KCNMA1: variants seen among roughly 807,000 people sequenced by gnomAD.
KCNMA1 encodes Calcium-activated potassium channel subunit alpha-1.
KCNMA1 carries 29 observed loss-of-function variants against 140.0 expected under a neutral mutation model. The observed-to-expected ratio is 0.21, with a 90% CI of 0.15 to 0.28. The LOEUF is 0.28. Ranked by LOEUF, KCNMA1 falls within the 10% of genes least tolerant of loss-of-function variation. KCNMA1 has a pLI of 1.00. For synonymous variants in KCNMA1, 612 were observed against 611.9 expected (o/e 1.00, Z 0.00); for missense variants, 880 against 1,602.2 (o/e 0.55, Z 7.70).
rs56869782 is a variant in KCNMA1, at chr10:77,021,660, G to C, written c.1929-2561C>G. Reference sequence around the variant, plus strand: ...CTTAAATCTATGGCTGATTGTGTAAGGAATCGAAAGCATCTCTAATTACCT... The same window carrying C: ...CTTAAATCTATGGCTGATTGTGTAACGAATCGAAAGCATCTCTAATTACCT... On this transcript the variant is annotated intron_variant, in intron 16 of 27. Coordinates refer to ENST00000286628, the MANE Select transcript of KCNMA1 (RefSeq NM_001161352.2). Among the ~76,000 whole-genome samples the C allele has an allele frequency of 5.0e-3, 754 of 152,316 alleles. 9 individuals carry two copies. Among genetic ancestry groups the C allele is most frequent in the African/African-American group, 0.018 (731 of 41,566 alleles).
At chr10:77,292,599 TCTC>T (rs1196653323) in intron 2 of KCNMA1, among the ~76,000 whole-genome samples, 1 of 152,056 alleles carries the variant, frequency 6.6e-6, no homozygotes, top group Non-Finnish European at 1.5e-5. Flanking sequence ...CATGATTAGG[TCTC>T]CTCCATGATA....
At chr10:77,517,444 A>G (rs1023491626) in intron 1 of KCNMA1, among the ~76,000 whole-genome samples, 3 of 152,216 alleles carry the variant, frequency 2.0e-5, no homozygotes, top group Non-Finnish European at 1.5e-5. Context: ...GATTTGAGGC[A>G]CCAGTGCAGT....
chr10:77,120,162 A>G (rs2097564656), intron 6 of KCNMA1, among the ~76,000 whole-genome samples: 1 of 152,228 alleles, frequency 6.6e-6, no homozygotes, highest in South Asian at 2.1e-4. Flanking sequence ...AGCTTCTTAG[A>G]GTGTAATTTC....
chr10:77,382,599 T>G (rs910008292), intron 2 of KCNMA1, among the ~76,000 whole-genome samples: 3 of 152,058 alleles, frequency 2.0e-5, no homozygotes, highest in African/African-American at 7.2e-5. Context: ...GCATGGTGGC[T>G]CATACCTGTA....
Position 77,026,821 on chromosome 10 carries a change from A to C in KCNMA1, c.1928+1002T>G, listed in dbSNP as rs142794917. Among the ~76,000 whole-genome samples the C allele has an allele frequency of 1.4e-4, 22 of 152,326 alleles. No individual in the cohort carries two copies. The East Asian group carries it at 4.3e-3, about 29-fold the overall frequency. On this transcript the variant is annotated intron_variant, in intron 16 of 27. Transcript: ENST00000286628. ...GTCTTGTCATAGACACAGACTATACACTTGAAAGTCTGGCTGTATTGGGTT... is the reference window on the plus strand; with the variant it reads ...GTCTTGTCATAGACACAGACTATACCCTTGAAAGTCTGGCTGTATTGGGTT...
chr10:77,053,905 A>G (rs1312906413), intron 14 of KCNMA1, among the ~76,000 whole-genome samples: 1 of 152,078 alleles, frequency 6.6e-6, no homozygotes, highest in Non-Finnish European at 1.5e-5. Context: ...GAGCTAAGAG[A>G]GGTTCAGTAG....
At chr10:77,534,874 C>T (rs2058508329) in intron 1 of KCNMA1, among the ~76,000 whole-genome samples, 1 of 152,188 alleles carries the variant, frequency 6.6e-6, no homozygotes, top group Non-Finnish European at 1.5e-5. Context: ...CCATTTACAG[C>T]TATAACCTAC....
chr10:76,877,910 A>G (rs767903449), intron 29 of KCNMA1: 13 of 1,603,996 alleles, frequency 8.1e-6, no homozygotes, highest in Non-Finnish European at 1.1e-5. Context: ...GGCAAAATGG[A>G]TAGAGAACAA....
intron 1 of KCNMA1, among the ~76,000 whole-genome samples, chr10:77,473,570 C>A (rs1430058153): frequency 6.6e-6 from 1 of 152,086 alleles, no homozygotes; most frequent in Non-Finnish European, 1.5e-5. Flanking sequence ...ATAGGAGGGG[C>A]CTCCGTGGAT....
intron 14 of KCNMA1, among the ~76,000 whole-genome samples, chr10:77,046,497 T>TG (rs553522710): frequency 6.6e-6 from 1 of 152,124 alleles, no homozygotes; most frequent in African/African-American, 2.4e-5. Flanking sequence ...CTAAAATGGA[T>TG]GGGGGGTCAT....
chr10:77,393,033 G>A (rs953476194), intron 2 of KCNMA1, among the ~76,000 whole-genome samples: 3 of 152,202 alleles, frequency 2.0e-5, no homozygotes, highest in Non-Finnish European at 2.9e-5. Context: ...GCCAGCTCAG[G>A]GAGGCTATAT....
In KCNMA1 at chr10:76,885,637, G is replaced by C; in HGVS notation, c.*1629C>G. 1 of 985,182 alleles carries C rather than the reference G, an allele frequency of 1.0e-6. No homozygotes were observed. The highest frequency in any genetic ancestry group is 1.2e-6 in the Non-Finnish European group (1 of 829,836). The allele number at this position is 985,182 out of a possible 1,614,324, so 61.0% of individuals were successfully genotyped here. On this transcript the variant is annotated 3_prime_UTR_variant, in exon 28 of 28. Coordinates refer to ENST00000286628, the MANE Select transcript of KCNMA1 (RefSeq NM_001161352.2). The stretch of plus-strand genomic sequence containing the variant: ...CCTTTTACCCCTATTCTATTCGATG[G>C]AATTCTTTGAAGTAAAACTTTTCAA...
At chr10:76,906,984 G>T (rs2048069903) in intron 25 of KCNMA1, among the ~76,000 whole-genome samples, 1 of 152,170 alleles carries the variant, frequency 6.6e-6, no homozygotes, top group Non-Finnish European at 1.5e-5. Context: ...TACCATCAAT[G>T]ACTTACTTAA....
chr10:76,962,953 T>A (rs187814004), intron 20 of KCNMA1, among the ~76,000 whole-genome samples: 40 of 152,348 alleles, frequency 2.6e-4, no homozygotes, highest in Admixed American at 2.4e-3. Flanking sequence ...GCATCATTTT[T>A]CATTTACAGG....
At chr10:77,575,212 T>C (rs1301225843) in intron 1 of KCNMA1, among the ~76,000 whole-genome samples, 2 of 152,292 alleles carry the variant, frequency 1.3e-5, no homozygotes, top group East Asian at 3.9e-4. Flanking sequence ...GCTAGGACAG[T>C]GCTGACAGCA....
intron 1 of KCNMA1, among the ~76,000 whole-genome samples, chr10:77,556,097 C>T (rs945632217): frequency 2.0e-5 from 3 of 152,176 alleles, no homozygotes; most frequent in Non-Finnish European, 4.4e-5. Context: ...GGTCAGTTCC[C>T]CTTTCTGCCA....
chr10:77,258,738 G>T (rs1365497813), intron 2 of KCNMA1, among the ~76,000 whole-genome samples: 3 of 152,104 alleles, frequency 2.0e-5, no homozygotes, highest in African/African-American at 7.2e-5. Flanking sequence ...TGAGGCGGGT[G>T]GATTACTTGA....
intron 3 of KCNMA1, among the ~76,000 whole-genome samples, chr10:77,191,648 G>T (rs1006078510): frequency 1.3e-5 from 2 of 152,066 alleles, no homozygotes; most frequent in Admixed American, 6.6e-5. Context: ...CTAAGATGTG[G>T]TCACCTTTGA....
intron 3 of KCNMA1, among the ~76,000 whole-genome samples, chr10:77,197,720 G>T (rs1208490255): frequency 6.6e-6 from 1 of 152,162 alleles, no homozygotes; most frequent in Non-Finnish European, 1.5e-5. Context: ...TAACCTGGAG[G>T]CGACAACCGA....
Sources: gnomAD v4.1 joint callset for allele counts (sites outside exome capture counted in the v4.1 genomes callset) on GRCh38, gnomAD v4.1.1 for gene constraint, MANE v1.5 for transcripts, NCBI Gene and HGNC (gene_info 2026-07-23, HGNC 2026-07-21) for gene names.